WBP4: variants seen among roughly 807,000 people sequenced by gnomAD.
WBP4 encodes WW domain binding protein 4, also known as WW domain-binding protein 4.
WBP4 carries 37 observed loss-of-function variants against 55.4 expected under a neutral mutation model. That is an observed-to-expected ratio of 0.67 (90% confidence interval 0.51 to 0.88). The LOEUF is 0.88. WBP4 is among the 40% of genes least tolerant of loss of function. The pLI, the probability that WBP4 is intolerant of heterozygous loss-of-function variation, is 0.00. For missense variants in WBP4, 398 were observed against 420.8 expected, an observed-to-expected ratio of 0.95 and a Z score of 0.47; for synonymous variants, 142 against 140.2, an observed-to-expected ratio of 1.01 and a Z score of -0.09.
intron 5 of WBP4, 25 bp from the exon 6 acceptor site, chr13:41,071,502 T>TA: frequency 6.3e-7 from 1 of 1,580,066 alleles, no homozygotes; most frequent in East Asian, 2.2e-5. Flanking sequence ...AAAGATTTTA[T>TA]AAATGCAATA....
intron 9 of WBP4, among the ~76,000 whole-genome samples, chr13:41,081,259 G>T (rs1878763575): frequency 6.6e-6 from 1 of 151,824 alleles, no homozygotes; most frequent in Admixed American, 6.6e-5. Flanking sequence ...AGCACTTCAG[G>T]AGGCCAAGGC....
intron 1 of WBP4, chr13:41,062,028 T>C (rs1450031273): frequency 1.0e-6 from 1 of 979,712 alleles, no homozygotes; most frequent in African/African-American, 1.8e-5. Context: ...CCTAGGGTAT[T>C]GTGAAACTAG....
rs566459659 is a variant in WBP4, at chr13:41,083,455, A to T, written c.*541A>T. Reference sequence around the variant, plus strand: ...GCCAGGAGCAGCTCAGGTACTTCAGATGTGCTTAATATGGAGTGAAAACTG... The same window carrying T: ...GCCAGGAGCAGCTCAGGTACTTCAGTTGTGCTTAATATGGAGTGAAAACTG... On this transcript the variant is annotated 3_prime_UTR_variant, in exon 10 of 10. Coordinates refer to ENST00000379487, the MANE Select transcript of WBP4 (RefSeq NM_007187.5). 1 of 154,958 alleles carries T rather than the reference A, an allele frequency of 6.5e-6. No individual in the cohort carries two copies. The highest frequency in any genetic ancestry group is 2.0e-4 in the South Asian group (1 of 5,086). The allele number at this position is 154,958 out of a possible 1,614,324, so 9.6% of individuals were successfully genotyped here. A position where few individuals can be genotyped will look rare whatever the true frequency, so the allele number is the denominator to read the frequency against.
chr13:41,066,743 T>G (rs1877990014), intron 4 of WBP4, among the ~76,000 whole-genome samples: 1 of 152,100 alleles, frequency 6.6e-6, no homozygotes. Context: ...TTGCTTAGCA[T>G]TTTTCACTGT....
At chr13:41,079,344 G>A (rs1410073107) in intron 8 of WBP4, among the ~76,000 whole-genome samples, 1 of 152,054 alleles carries the variant, frequency 6.6e-6, no homozygotes, top group Non-Finnish European at 1.5e-5. Context: ...GCTGAGGCTG[G>A]CAGATACTTG....
intron 1 of WBP4, chr13:41,062,330 C>T: frequency 1.1e-6 from 1 of 950,898 alleles, no homozygotes; most frequent in Admixed American, 6.2e-5. Context: ...CCCCCAAAGC[C>T]AGAAAGGATA....
At chr13:41,062,827 T>G (rs1291891663) in intron 2 of WBP4, 111 bp downstream of exon 2, 1 of 827,868 alleles carries the variant, frequency 1.2e-6, no homozygotes, top group East Asian at 2.8e-5. Flanking sequence ...GCTCTTGCAT[T>G]TTCAAAACAT....
intron 8 of WBP4, among the ~76,000 whole-genome samples, chr13:41,080,245 C>G (rs1002273094): frequency 6.6e-6 from 1 of 152,100 alleles, no homozygotes; most frequent in African/African-American, 2.4e-5. Context: ...AAAAAAATTA[C>G]AAAATACAGG....
At chr13:41,078,696 G>A (rs1388441598) in intron 8 of WBP4, among the ~76,000 whole-genome samples, 2 of 152,024 alleles carry the variant, frequency 1.3e-5, no homozygotes, top group Non-Finnish European at 2.9e-5. Flanking sequence ...GTGTCCTGGC[G>A]CATGCCTGTA....
chr13:41,064,878 C>T (rs578210494), intron 2 of WBP4, 138 bp from the exon 3 acceptor site: 20 of 796,934 alleles, frequency 2.5e-5, no homozygotes, highest in Admixed American at 3.5e-5. Context: ...GGCCAATTTG[C>T]ATTAAATTAA....
chr13:41,077,987 C>T (rs1255277249), intron 8 of WBP4, among the ~76,000 whole-genome samples: 2 of 152,034 alleles, frequency 1.3e-5, no homozygotes, highest in Admixed American at 1.3e-4. Context: ...TTAAAGAAAT[C>T]ATAGATGATA....
At chr13:41,081,590 G>A (rs983474249) in intron 9 of WBP4, among the ~76,000 whole-genome samples, 4 of 151,930 alleles carry the variant, frequency 2.6e-5, no homozygotes, top group Admixed American at 2.6e-4. Context: ...CATTTCTATA[G>A]GATTCAGTGT....
At chr13:41,080,550 T>C in intron 8 of WBP4, 96 bp from the exon 9 acceptor site, 1 of 919,492 alleles carries the variant, frequency 1.1e-6, no homozygotes, top group Non-Finnish European at 1.6e-6. Context: ...AATTATTGTT[T>C]ATAAATCTAT....
rs35695477 is a variant in WBP4 at position 41,076,269 on chromosome 13, ATTTTTTTTTTTTTTT to A, written c.756+46_756+60del. On this transcript the variant is annotated intron_variant, in intron 8 of 9. Transcript: ENST00000379487. ...TTTTAAATTTTACTCTTCACATCAA[ATTTTTTTTTTTTTTT>A]TTTTTTTTTTTTTGAGATGGAGTCT... The A allele has an allele frequency of 1.3e-5, 9 of 678,810 alleles. No individual in the cohort carries two copies. The African/African-American group carries it at 2.4e-4, about 18-fold the overall frequency. 42.0% of individuals were successfully genotyped at this position (678,810 alleles called of 1,614,324 possible). A position where few individuals can be genotyped will look rare whatever the true frequency, so the allele number is the denominator to read the frequency against.
intron 7 of WBP4, among the ~76,000 whole-genome samples, chr13:41,074,270 A>G (rs1878381214): frequency 1.3e-5 from 2 of 152,196 alleles, no homozygotes; most frequent in Non-Finnish European, 2.9e-5. Flanking sequence ...ATTTAACATC[A>G]TAAACAGTTG....
chr13:41,074,792 C>G (rs527816223), intron 7 of WBP4, among the ~76,000 whole-genome samples: 1 of 151,996 alleles, frequency 6.6e-6, no homozygotes, highest in Admixed American at 6.6e-5. Context: ...GTCAGGAGCT[C>G]GTGACCAGCC....
intron 8 of WBP4, among the ~76,000 whole-genome samples, chr13:41,079,301 T>A (rs1362529230): frequency 1.3e-5 from 2 of 152,112 alleles, no homozygotes; most frequent in African/African-American, 4.8e-5. Context: ...CTGGATGCAG[T>A]GGCTCACACC....
chr13:41,071,472 A>G, intron 5 of WBP4, 55 bp from the exon 6 acceptor site: 1 of 1,527,126 alleles, frequency 6.5e-7, no homozygotes, highest in African/African-American at 1.4e-5. Context: ...AATTTTTTGG[A>G]AAGTATTTTT....
chr13:41,063,704 G>C (rs551164524), intron 2 of WBP4, among the ~76,000 whole-genome samples: 2 of 152,108 alleles, frequency 1.3e-5, no homozygotes, highest in South Asian at 4.2e-4. Flanking sequence ...AATACACATT[G>C]ATTTAACCTT....
Sources: gnomAD v4.1 joint callset for allele counts (sites outside exome capture counted in the v4.1 genomes callset) on GRCh38, gnomAD v4.1.1 for gene constraint, MANE v1.5 for transcripts, NCBI Gene and HGNC (gene_info 2026-07-23, HGNC 2026-07-21) for gene names.